RIPK4: variants seen among roughly 807,000 people sequenced by gnomAD.
RIPK4 encodes the protein receptor interacting serine/threonine kinase 4, also known as receptor-interacting serine/threonine-protein kinase 4.
RIPK4 carries 17 observed loss-of-function variants against 42.9 expected under a neutral mutation model. The ratio of observed to expected loss-of-function variants is 0.40; its 90% CI spans 0.27 to 0.59. The LOEUF is 0.59. RIPK4 is among the 20% of genes least tolerant of loss of function. RIPK4 has a pLI of 0.47. For missense variants in RIPK4, 897 were observed against 1,104.4 expected (o/e 0.81, Z 2.66); for synonymous variants, 498 against 499.1 (o/e 1.00, Z 0.03).
chr21:41,765,548 C>T (rs2061233443), intron 1 of RIPK4, among the ~76,000 whole-genome samples: 1 of 152,184 alleles, frequency 6.6e-6, no homozygotes, highest in African/African-American at 2.4e-5. Context: ...GCCTCTCATC[C>T]ACAGAGGCGT....
intron 3 of RIPK4, among the ~76,000 whole-genome samples, chr21:41,749,763 G>T (rs192825155): frequency 6.6e-6 from 1 of 151,948 alleles, no homozygotes; most frequent in South Asian, 2.1e-4. Flanking sequence ...CGCAGAAAAC[G>T]TAGGAGACAA....
In RIPK4 at chr21:41,746,845, C is replaced by T. The variant is rs751359756; in HGVS notation, c.674-74G>A. 6 of 1,491,252 alleles carry T rather than the reference C, an allele frequency of 4.0e-6. No homozygotes were observed. The African/African-American group carries it at 4.2e-5, about 10-fold the overall frequency. The allele number at this position is 1,491,252 out of a possible 1,614,324, so 92.4% of individuals were successfully genotyped here. A position where few individuals can be genotyped will look rare whatever the true frequency, so the allele number is the denominator to read the frequency against. On this transcript the variant is annotated intron_variant, in intron 4 of 7. Transcript: ENST00000332512. ...GCATCTCACCCTTGGGAGGAAACGA[C>T]ACACTCGCCGGGGGCCACAATGGGG... is the stretch of plus-strand genomic sequence containing the variant.
intron 1 of RIPK4, among the ~76,000 whole-genome samples, chr21:41,760,151 C>T (rs1038866970): frequency 2.0e-5 from 3 of 152,224 alleles, no homozygotes; most frequent in South Asian, 2.1e-4. Context: ...AGTTGAATAA[C>T]CCCGATGTAA....
rs757054568 is a variant in RIPK4, at chr21:41,746,852, G to A, written c.674-81C>T. The A allele has an allele frequency of 2.1e-5, 31 of 1,470,258 alleles. No homozygotes were observed. In the East Asian group the frequency reaches 3.0e-4, roughly 14 times the overall value. 91.1% of individuals were successfully genotyped at this position (1,470,258 alleles called of 1,614,324 possible). On this transcript the variant is annotated intron_variant, in intron 4 of 7. Coordinates refer to ENST00000332512, the MANE Select transcript of RIPK4 (RefSeq NM_020639.3). ...ACCCTTGGGAGGAAACGACACACTC[G>A]CCGGGGGCCACAATGGGGCCATCCC...
rs1569105067 is a variant in RIPK4 at position 41,755,414 on chromosome 21, CG to C, written c.474+1110del. Among the ~76,000 whole-genome samples, 1 of 152,204 alleles carries C rather than the reference CG, an allele frequency of 6.6e-6. No homozygotes were observed. The highest frequency in any genetic ancestry group is 2.4e-5 in the African/African-American group (1 of 41,434). ...GCAAGGCACGCGAGATGCACTCGTC[CG>C]CAGAGTCTGGGCACAGGGAGCGGCC... is the stretch of plus-strand genomic sequence containing the variant. On this transcript the variant is annotated intron_variant, in intron 2 of 7. Transcript: ENST00000332512. The surrounding 1 kb of genome is among the most constrained non-coding windows in gnomAD (Gnocchi z 4.2).
At chr21:41,762,520 G>A (rs997220421) in intron 1 of RIPK4, among the ~76,000 whole-genome samples, 3 of 152,206 alleles carry the variant, frequency 2.0e-5, no homozygotes, top group African/African-American at 7.2e-5. Flanking sequence ...CAGCCCTTCT[G>A]GGGTCGGGTG....
At position 41,766,874 on chromosome 21, in the gene RIPK4, C is replaced by G; in HGVS notation, c.168G>C (p.Leu56=). 1 of 1,609,536 alleles carries G rather than the reference C, an allele frequency of 6.2e-7. No homozygotes were observed. The stretch of plus-strand genomic sequence containing the variant: ...GGGCCGCTCACCTGTCGTCGACGTG[C>G]AGGCTGGGCGAGCACTTGATGGCCA... ...TWLAIKCSPS[L]HVDDRERMEL... is the part of the protein sequence containing the mutation. The change falls in exon 1 of 8, where the codon CTG becomes CTC. Residue 56 remains leucine (L), a synonymous_variant. Transcript: ENST00000332512.
At chr21:41,753,755 G>C (rs576746118) in intron 2 of RIPK4, among the ~76,000 whole-genome samples, 1 of 152,342 alleles carries the variant, frequency 6.6e-6, no homozygotes, top group South Asian at 2.1e-4. Flanking sequence ...TAAGAAAGCA[G>C]CCTGCCGGGG....
chr21:41,741,080 T>C lies in RIPK4; in HGVS notation c.2113A>G (p.Thr705Ala). Residue 705 changes from threonine (T) to alanine (A), a missense_variant, in exon 8 of 8, where the codon ACG becomes GCG. By Grantham distance (58) the Thr-to-Ala change is moderately conservative (BLOSUM62 0). Transcript: ENST00000332512. Reference protein sequence around the residue: ...DVLARGPLNQTALHLAAAHGH... With the variant: ...DVLARGPLNQAALHLAAAHGH... ...TGGGCGGCAGCCAGGTGCAGCGCCG[T>C]CTGGTTCAGGGGTCCCCGGGCCAGC... 6.2e-7 allele frequency: 1 copy of C among 1,611,760 alleles called. No homozygotes were observed. The highest frequency in any genetic ancestry group is 8.5e-7 in the Non-Finnish European group (1 of 1,179,760).
chr21:41,755,271 C>T lies in RIPK4; in HGVS notation c.474+1254G>A, dbSNP rs2061199924. ...TATCTCAATTTCCTACTTCACTTCG[C>T]AGGACGGTGCTTCATCTTCTAGCTG... On this transcript the variant is annotated intron_variant, in intron 2 of 7. Transcript: ENST00000332512. This position sits in a 1 kb window ranked among gnomAD's most constrained non-coding sequence, Gnocchi z 4.2. Among the ~76,000 whole-genome samples, 2 of 152,204 alleles carry T rather than the reference C, an allele frequency of 1.3e-5. No homozygotes were observed. Among genetic ancestry groups the T allele is most frequent in the Admixed American group, 1.3e-4 (2 of 15,286 alleles).
intron 2 of RIPK4, among the ~76,000 whole-genome samples, chr21:41,754,059 G>A (rs1483667424): frequency 6.6e-6 from 1 of 152,132 alleles, no homozygotes; most frequent in Non-Finnish European, 1.5e-5. Context: ...ATCGAGCCCT[G>A]AGCACTGAGG....
At position 41,740,907 on chromosome 21, in the gene RIPK4, G is replaced by T; in HGVS notation, c.2286C>A (p.Asn762Lys). 1 of 1,612,556 alleles carries T rather than the reference G, an allele frequency of 6.2e-7. No homozygotes were observed. The highest frequency in any genetic ancestry group is 8.5e-7 in the Non-Finnish European group (1 of 1,179,800). ...ETLLRHGAHINLQSLKFQGGH... is the reference protein window; with the variant it reads ...ETLLRHGAHIKLQSLKFQGGH... ...CGCCCTGGAACTTGAGGCTCTGCAG[G>T]TTGATGTGGGCCCCATGCCTGAGCA... Residue 762 changes from asparagine (N) to lysine (K), a missense_variant, in exon 8 of 8, where the codon AAC becomes AAA. By Grantham distance (94) the Asn-to-Lys change is moderately conservative. Coordinates refer to ENST00000332512, the MANE Select transcript of RIPK4 (RefSeq NM_020639.3).
At chr21:41,744,602 G>A (rs1261109018) in intron 6 of RIPK4, among the ~76,000 whole-genome samples, 4 of 152,258 alleles carry the variant, frequency 2.6e-5, no homozygotes, top group South Asian at 4.1e-4. Flanking sequence ...TGCACAGAGC[G>A]TCACCCAGAC....
chr21:41,741,582 G>A lies in RIPK4; in HGVS notation c.1611C>T (p.Gly537=). 1 of 1,611,828 alleles carries A rather than the reference G, an allele frequency of 6.2e-7. No individual in the cohort carries two copies. The highest frequency in any genetic ancestry group is 8.5e-7 in the Non-Finnish European group (1 of 1,180,010). ...NASVNEVDFE[G]RTPMHVACQH... is the part of the protein sequence containing the mutation. ...GGCAGGCCACGTGCATGGGCGTCCGGCCCTCAAAGTCCACCTCGTTGACCG... is the reference window on the plus strand; with the variant it reads ...GGCAGGCCACGTGCATGGGCGTCCGACCCTCAAAGTCCACCTCGTTGACCG... The change falls in exon 8 of 8, where the codon GGC becomes GGT. Residue 537 remains glycine (G), a synonymous_variant. Coordinates refer to ENST00000332512, the MANE Select transcript of RIPK4 (RefSeq NM_020639.3).
At position 41,763,212 on chromosome 21, in the gene RIPK4, A is replaced by C. The variant is rs138951465; in HGVS notation, c.182+3648T>G. Among the ~76,000 whole-genome samples, 571 of 152,310 alleles carry C rather than the reference A, an allele frequency of 3.7e-3. 5 individuals are homozygous for C. The highest frequency in any genetic ancestry group is 0.013 in the African/African-American group (547 of 41,568). On this transcript the variant is annotated intron_variant, in intron 1 of 7. Coordinates refer to ENST00000332512, the MANE Select transcript of RIPK4 (RefSeq NM_020639.3). ...GGTTCAACTTTTTAAAGATACGGTGAGTAGCACTTAGATGAATTCGGTTTT... is the reference window on the plus strand; with the variant it reads ...GGTTCAACTTTTTAAAGATACGGTGCGTAGCACTTAGATGAATTCGGTTTT...
At chr21:41,756,465 T>C (rs1304788149) in intron 2 of RIPK4, 60 bp downstream of exon 2, 21 of 1,566,378 alleles carry the variant, frequency 1.3e-5, no homozygotes, top group Non-Finnish European at 8.6e-7. Context: ...CTTGATACCC[T>C]GCTCCCCAAG....
intron 3 of RIPK4, among the ~76,000 whole-genome samples, chr21:41,749,406 G>C (rs964842659): frequency 6.6e-6 from 1 of 152,168 alleles, no homozygotes; most frequent in Admixed American, 6.5e-5. Context: ...ATGTCAGACA[G>C]ACTCAAGTAA....
rs1281687884 is a variant in RIPK4 at position 41,742,637 on chromosome 21, T to C, written c.1196-640A>G. Among the ~76,000 whole-genome samples, 2 of 152,208 alleles carry C rather than the reference T, an allele frequency of 1.3e-5. No individual in the cohort carries two copies. Among genetic ancestry groups the C allele is most frequent in the African/African-American group, 4.8e-5 (2 of 41,450 alleles). ...CGTAGTGCCTGGAATGCTGAAACCC[T>C]GCAACGAGACTCTCCTCCGCCCTCA... On this transcript the variant is annotated intron_variant, in intron 7 of 7. Transcript: ENST00000332512. The surrounding 1 kb of genome is among the most constrained non-coding windows in gnomAD (Gnocchi z 5.1).
At chr21:41,743,776 T>C in intron 7 of RIPK4, 106 bp downstream of exon 7, 3 of 1,376,584 alleles carry the variant, frequency 2.2e-6, no homozygotes, top group African/African-American at 1.4e-5. Context: ...GAATTCTTGC[T>C]GGGTCAAGAA....
Sources: gnomAD v4.1 joint callset for allele counts (sites outside exome capture counted in the v4.1 genomes callset) on GRCh38, gnomAD v4.1.1 for gene constraint, Gnocchi (gnomAD v3.1) non-coding constraint, MANE v1.5 for transcripts, NCBI Gene and HGNC (gene_info 2026-07-23, HGNC 2026-07-21) for gene names.